Variants in ITGAM observed in about 807,000 individuals in gnomAD.
ITGAM encodes integrin alpha-M.
Under a neutral mutation model 137.5 loss-of-function variants are expected in ITGAM, and 79 were observed. That is an observed-to-expected ratio of 0.57 (90% CI 0.48 to 0.69). ITGAM has a LOEUF of 0.69. Among genes scored for constraint, ITGAM ranks in the 30% least tolerant of loss-of-function variants. The pLI is 0.00. For missense variants in ITGAM, 1,343 were observed against 1,483.5 expected, an observed-to-expected ratio of 0.91 and a Z score of 1.56; for synonymous variants, 583 against 592.3, an observed-to-expected ratio of 0.98 and a Z score of 0.23.
chr16:31,299,776 C>CCCA, intron 14 of ITGAM, among the ~76,000 whole-genome samples: 1 of 93,426 alleles, frequency 1.1e-5, no homozygotes, highest in Middle Eastern at 4.9e-3. Context: ...TCCTCCTCCT[C>CCCA]CTCCTCCGCC....
chr16:31,293,514 T>C (rs2080106357), intron 12 of ITGAM, among the ~76,000 whole-genome samples: 1 of 152,128 alleles, frequency 6.6e-6, no homozygotes, highest in Admixed American at 6.5e-5. Flanking sequence ...CTTTTCCCCA[T>C]TGCTTATTTT....
At position 31,265,416 on chromosome 16, in the gene ITGAM, G is replaced by A. The variant is rs1442943832; in HGVS notation, c.156G>A (p.Gln52=). Residue 52 remains glutamine (Q), a synonymous_variant, in exon 3 of 30, where the codon CAG becomes CAA. Transcript: ENST00000544665. The part of the protein sequence containing the change: ...QGSRVVVGAP[Q]EIVAANQRGS... ...ACAGGGTGGTGGTTGGAGCCCCCCAGGAGATAGTGGCTGCCAACCAAAGGG... is the reference window on the plus strand; with the variant it reads ...ACAGGGTGGTGGTTGGAGCCCCCCAAGAGATAGTGGCTGCCAACCAAAGGG... The A allele has an allele frequency of 6.2e-7, 1 of 1,606,284 alleles. No individual in the cohort carries two copies. The highest frequency in any genetic ancestry group is 1.7e-5 in the Admixed American group (1 of 58,988).
intron 1 of ITGAM, 117 bp from the exon 2 acceptor site, chr16:31,261,575 T>G: frequency 1.6e-6 from 1 of 606,386 alleles, no homozygotes; most frequent in Non-Finnish European, 3.0e-6. Context: ...TGGAGTGCAG[T>G]GGCACAATCA....
At position 31,297,752 on chromosome 16, in the gene ITGAM, G is replaced by T. The variant is rs79206973; in HGVS notation, c.1505G>T (p.Arg502Leu). 6.3e-7 allele frequency: 1 copy of T among 1,595,776 alleles called. No homozygotes were observed. Among genetic ancestry groups the T allele is most frequent in the Admixed American group, 1.8e-5 (1 of 54,380 alleles). ...SVCPLPRGRA[R>L]WQCDAVLYGE... ...ACTGTTTGTGTTTAGCAGAGGGCTC[G>T]GTGGCAGTGTGATGCTGTTCTCTAC... Residue 502 changes from arginine to leucine, a missense_variant, in exon 14 of 30, where the codon CGG becomes CTG. By Grantham distance (102) the Arg-to-Leu change is moderately radical (BLOSUM62 -2). Transcript: ENST00000544665.
chr16:31,296,575 T>C (rs1454139990), intron 12 of ITGAM, among the ~76,000 whole-genome samples: 2 of 152,224 alleles, frequency 1.3e-5, no homozygotes, highest in Non-Finnish European at 2.9e-5. Flanking sequence ...CTTCCCTCAA[T>C]GGTGTATGAG....
intron 14 of ITGAM, among the ~76,000 whole-genome samples, chr16:31,317,717 T>C (rs1256647613): frequency 6.6e-6 from 1 of 152,254 alleles, no homozygotes; most frequent in African/African-American, 2.4e-5. Context: ...GTGCATCACA[T>C]TTATTGATTT....
chr16:31,303,410 C>T (rs778532816), intron 14 of ITGAM, among the ~76,000 whole-genome samples: 1 of 152,084 alleles, frequency 6.6e-6, no homozygotes, highest in Middle Eastern at 3.2e-3. Context: ...TAGTTATTAT[C>T]TAAAATTTAA....
chr16:31,311,463 A>T (rs918189368), intron 14 of ITGAM, among the ~76,000 whole-genome samples: 7 of 152,226 alleles, frequency 4.6e-5, no homozygotes, highest in Admixed American at 1.3e-4. Flanking sequence ...CCCCATCAAA[A>T]AGTGGGTGAA....
intron 12 of ITGAM, among the ~76,000 whole-genome samples, chr16:31,281,852 C>T (rs2079972970): frequency 6.6e-6 from 1 of 152,120 alleles, no homozygotes; most frequent in Non-Finnish European, 1.5e-5. Context: ...CTCTTGTGGG[C>T]ATTTAGTGCT....
chr16:31,302,428 C>CTT (rs71390270), intron 14 of ITGAM, among the ~76,000 whole-genome samples: 2 of 103,126 alleles, frequency 1.9e-5, no homozygotes, highest in Non-Finnish European at 3.8e-5. Flanking sequence ...TTCTTTCTTT[C>CTT]TTCTTTCTTT....
rs989544683 is a variant in ITGAM at position 31,331,936 on chromosome 16, T to C, written c.*229T>C. The stretch of plus-strand genomic sequence containing the variant: ...GCATGTGCACTTGCACGCCCATGTG[T>C]GAGTGTGTGCAAGTATGTGAGTGTG... On this transcript the variant is annotated 3_prime_UTR_variant, in exon 30 of 30. Transcript: ENST00000544665. 12 of 560,452 alleles carry C rather than the reference T, an allele frequency of 2.1e-5. No homozygotes were observed. Among genetic ancestry groups the C allele is most frequent in the South Asian group, 1.1e-4 (5 of 45,870 alleles). The allele number at this position is 560,452 out of a possible 1,614,324, so 34.7% of individuals were successfully genotyped here.
At chr16:31,276,632 T>C in intron 9 of ITGAM, 39 bp from the exon 10 acceptor site, 1 of 1,498,272 alleles carries the variant, frequency 6.7e-7, no homozygotes, top group Non-Finnish European at 9.2e-7. Context: ...ATGCCCGGCC[T>C]TCTGCTTTCT....
Position 31,331,732 on chromosome 16 carries a change from T to C in ITGAM, c.*25T>C. 1 of 1,559,924 alleles carries C rather than the reference T, an allele frequency of 6.4e-7. No homozygotes were observed. Among genetic ancestry groups the C allele is most frequent in the South Asian group, 1.2e-5 (1 of 85,032 alleles). On this transcript the variant is annotated 3_prime_UTR_variant, in exon 30 of 30. Coordinates refer to ENST00000544665, the MANE Select transcript of ITGAM (RefSeq NM_000632.4). ...GCGGCTCCTTCCCGACAGAGCTGCC[T>C]CTCGGTGGCCAGCAGGACTCTGCCC... is the stretch of plus-strand genomic sequence containing the variant.
intron 10 of ITGAM, 66 bp from the exon 11 acceptor site, chr16:31,276,854 G>C: frequency 6.3e-7 from 1 of 1,590,280 alleles, no homozygotes; most frequent in Non-Finnish European, 8.6e-7. Flanking sequence ...TTGGGAAGTA[G>C]CTCTGTGAGG....
rs2080450500 is a variant in ITGAM at position 31,321,518 on chromosome 16, G to A, written c.1893G>A (p.Val631=). 6.2e-7 allele frequency: 1 copy of A among 1,613,916 alleles called. No individual in the cohort carries two copies. The highest frequency in any genetic ancestry group is 1.3e-5 in the African/African-American group (1 of 74,928). Residue 631 remains valine (V), a synonymous_variant, in exon 16 of 30, where the codon GTG becomes GTA. Transcript: ENST00000544665. The part of the protein sequence containing the change: ...KAIMEFNPRE[V]ARNVFECNDQ... ...TCATGGAGTTCAATCCCAGGGAAGT[G>A]GCAAGGAATGTATTTGAGTGTAATG...
At chr16:31,291,287 T>C (rs2080084625) in intron 12 of ITGAM, among the ~76,000 whole-genome samples, 1 of 152,204 alleles carries the variant, frequency 6.6e-6, no homozygotes, top group African/African-American at 2.4e-5. Flanking sequence ...TGAATAGTGC[T>C]GCGATAAACA....
At chr16:31,304,996 A>G (rs970136801) in intron 14 of ITGAM, among the ~76,000 whole-genome samples, 4 of 152,030 alleles carry the variant, frequency 2.6e-5, no homozygotes, top group African/African-American at 9.7e-5. Context: ...TAGTTATGTG[A>G]AAAATGATGT....
chr16:31,278,722 C>G (rs2079936632), intron 12 of ITGAM, among the ~76,000 whole-genome samples: 1 of 152,030 alleles, frequency 6.6e-6, no homozygotes, highest in Admixed American at 6.5e-5. Context: ...TGATATGGTG[C>G]CTATAGTTCT....
At chr16:31,272,052 G>C in intron 7 of ITGAM, 60 bp downstream of exon 7, 1 of 1,603,190 alleles carries the variant, frequency 6.2e-7, no homozygotes, top group Non-Finnish European at 8.5e-7. Flanking sequence ...GCTGGGCTTT[G>C]ATGGATGAAG....
Sources: allele counts gnomAD v4.1 joint callset (sites outside exome capture counted in the v4.1 genomes callset), GRCh38; gene constraint gnomAD v4.1.1; transcripts MANE v1.5; gene names NCBI Gene and HGNC (gene_info 2026-07-23, HGNC 2026-07-21).